The following BPHL variants were observed in gnomAD, a reference collection of about 807,000 sequenced individuals.
BPHL encodes the protein serine hydrolase BPHL.
Under a neutral mutation model 31.2 loss-of-function variants are expected in BPHL, and 27 were observed. That is an observed-to-expected ratio of 0.87 (90% confidence interval 0.64 to 1.19). BPHL has a LOEUF of 1.19. Ranked by LOEUF, BPHL falls within the 50% of genes most tolerant of loss-of-function variation. BPHL has a pLI of 0.00. For missense variants in BPHL, 356 were observed against 375.7 expected (o/e 0.95, Z 0.43); for synonymous variants, 150 against 146.8 (o/e 1.02, Z -0.16).
intron 1 of BPHL, chr6:3,119,189 C>A: frequency 8.5e-7 from 1 of 1,171,342 alleles, no homozygotes; most frequent in Non-Finnish European, 1.2e-6. Flanking sequence ...TGACGGAGCA[C>A]GGACTAGAAT....
chr6:3,118,764 G>A lies in BPHL; in HGVS notation c.24G>A (p.Arg8=). MVAVLGG[R]GVLRLRLLLS... is the part of the protein sequence containing the mutation. ...CCATGGTGGCTGTGCTGGGCGGCCG[G>A]GGCGTGTTGCGCCTGCGGCTGCTTC... The change falls in exon 1 of 7, where the codon CGG becomes CGA. Residue 8 remains arginine (R), a synonymous_variant. Coordinates refer to ENST00000380379, the MANE Select transcript of BPHL (RefSeq NM_004332.4). 10 of 1,256,864 alleles carry A rather than the reference G, an allele frequency of 8.0e-6. No homozygotes were observed. The highest frequency in any genetic ancestry group is 1.0e-5 in the Non-Finnish European group (10 of 996,950). 77.9% of individuals were successfully genotyped at this position (1,256,864 alleles called of 1,614,324 possible).
At chr6:3,144,722 G>A (rs565394244) in intron 6 of BPHL, among the ~76,000 whole-genome samples, 2 of 152,282 alleles carry the variant, frequency 1.3e-5, no homozygotes, top group East Asian at 1.9e-4. Flanking sequence ...AGCTGCTAAC[G>A]TGAATGCAAT....
chr6:3,128,928 TCTGA>T (rs1680097511), intron 3 of BPHL, 113 bp from the exon 4 acceptor site: 4 of 1,477,812 alleles, frequency 2.7e-6, no homozygotes, highest in Admixed American at 1.7e-5. Flanking sequence ...GTTTTTCTTT[TCTGA>T]CTAATTGATA....
At chr6:3,124,471 T>C (rs1173651305) in intron 2 of BPHL, among the ~76,000 whole-genome samples, 1 of 152,226 alleles carries the variant, frequency 6.6e-6, no homozygotes, top group Non-Finnish European at 1.5e-5. Context: ...CCTGGGGGAC[T>C]GGATCCAGGA....
intron 1 of BPHL, among the ~76,000 whole-genome samples, chr6:3,119,121 A>G (rs1023837472): frequency 1.3e-5 from 2 of 152,210 alleles, no homozygotes; most frequent in African/African-American, 4.8e-5. Context: ...CAGCCCCTTC[A>G]GTGTGCAGAC....
Position 3,152,587 on chromosome 6 carries a change from C to CGAGTCTTGGTGGTT in BPHL, c.*12_*13insGAGTCTTGGTGGTT, listed in dbSNP as rs1762554896. 6.2e-7 allele frequency: 1 copy of CGAGTCTTGGTGGTT among 1,609,336 alleles called. No individual in the cohort carries two copies. The highest frequency in any genetic ancestry group is 1.3e-5 in the African/African-American group (1 of 74,776). On this transcript the variant is annotated 3_prime_UTR_variant, in exon 7 of 7. Transcript: ENST00000380379. ...ACTTCCTACAATGAGAATGCACACTCCAGTCTTGGTGGTTCCTTCGTGTGG... is the reference window on the plus strand; with the variant it reads ...ACTTCCTACAATGAGAATGCACACTCGAGTCTTGGTGGTTCAGTCTTGGTGGTTCCTTCGTGTGG...
At position 3,140,523 on chromosome 6, in the gene BPHL, C is replaced by G. The variant is rs1395385674; in HGVS notation, c.788+14C>G. On this transcript the variant is annotated intron_variant, in intron 6 of 6. Coordinates refer to ENST00000380379, the MANE Select transcript of BPHL (RefSeq NM_004332.4). The surrounding 1 kb of genome is among the most constrained non-coding windows in gnomAD (Gnocchi z 5.2). Reference sequence around the variant, plus strand: ...GAAAGGCTCACGGTAAGTCCTGTCACCGCCTTCACACTCCCCCCGAGAGCC... The same window carrying G: ...GAAAGGCTCACGGTAAGTCCTGTCAGCGCCTTCACACTCCCCCCGAGAGCC... The G allele has an allele frequency of 6.2e-7, 1 of 1,613,138 alleles. No homozygotes were observed. Among genetic ancestry groups the G allele is most frequent in the South Asian group, 1.1e-5 (1 of 91,012 alleles).
At position 3,151,402 on chromosome 6, in the gene BPHL, G is replaced by A. The variant is rs148400607; in HGVS notation, c.789-1086G>A. On this transcript the variant is annotated intron_variant, in intron 6 of 6. Coordinates refer to ENST00000380379, the MANE Select transcript of BPHL (RefSeq NM_004332.4). Reference sequence around the variant, plus strand: ...GCATTACTAATGTTCCAAGGCCCTCGGAAAGGTCCCAACAATATGTCTTCC... The same window carrying A: ...GCATTACTAATGTTCCAAGGCCCTCAGAAAGGTCCCAACAATATGTCTTCC... 2.5e-3 allele frequency among the ~76,000 whole-genome samples: 377 copies of A among 152,132 alleles called. 2 individuals are homozygous for A. The highest frequency in any genetic ancestry group is 8.3e-3 in the African/African-American group (344 of 41,500).
At position 3,140,413 on chromosome 6, in the gene BPHL, G is replaced by T. The variant is rs762056309; in HGVS notation, c.692G>T (p.Arg231Leu). Residue 231 changes from arginine (R) to leucine (L), a missense_variant, in exon 6 of 7, where the codon CGG (arginine) becomes CTG (leucine). By Grantham distance (102) the Arg-to-Leu change is moderately radical. Transcript: ENST00000380379. This position sits in a 1 kb window ranked among gnomAD's most constrained non-coding sequence, Gnocchi z 5.2. ...DGNICRHLLPRVQCPALIVHG... is the reference protein window; with the variant it reads ...DGNICRHLLPLVQCPALIVHG... ...AACATCTGCCGGCACCTGCTGCCCCGGGTCCAGTGCCCCGCCTTGATTGTG... is the reference window on the plus strand; with the variant it reads ...AACATCTGCCGGCACCTGCTGCCCCTGGTCCAGTGCCCCGCCTTGATTGTG... 2.5e-6 allele frequency: 4 copies of T among 1,614,006 alleles called. No individual in the cohort carries two copies. Among genetic ancestry groups the T allele is most frequent in the Non-Finnish European group, 3.4e-6 (4 of 1,180,030 alleles).
At chr6:3,124,739 T>A (rs1344489114) in intron 2 of BPHL, among the ~76,000 whole-genome samples, 1 of 150,276 alleles carries the variant, frequency 6.7e-6, no homozygotes, top group Non-Finnish European at 1.5e-5. Flanking sequence ...TGTTCCGAGG[T>A]TGGTTGAATC....
rs149318265 is a variant in BPHL at position 3,150,669 on chromosome 6, G to A, written c.789-1819G>A. Reference sequence around the variant, plus strand: ...GATTAGATCTTTTTGTTACTTGGGTGAGAATCTAGAGCTCCTGTCTTGCCT... The same window carrying A: ...GATTAGATCTTTTTGTTACTTGGGTAAGAATCTAGAGCTCCTGTCTTGCCT... On this transcript the variant is annotated intron_variant, in intron 6 of 6. Transcript: ENST00000380379. 1.6e-3 allele frequency among the ~76,000 whole-genome samples: 247 copies of A among 152,338 alleles called. 2 individuals are homozygous for A. The highest frequency in any genetic ancestry group is 5.5e-3 in the African/African-American group (230 of 41,582).
At chr6:3,134,345 G>C (rs190407077) in intron 4 of BPHL, among the ~76,000 whole-genome samples, 1 of 151,766 alleles carries the variant, frequency 6.6e-6, no homozygotes, top group South Asian at 2.1e-4. Context: ...ACAGTGGGTG[G>C]CTTTTGCCTT....
intron 6 of BPHL, among the ~76,000 whole-genome samples, chr6:3,144,388 TTTG>T (rs1448245967): frequency 9.0e-5 from 13 of 144,990 alleles, no homozygotes; most frequent in African/African-American, 3.2e-4. Flanking sequence ...TTTTTTTTTT[TTTG>T]TTTTTTTTTT....
chr6:3,142,433 AC>A (rs1056689915), intron 6 of BPHL, among the ~76,000 whole-genome samples: 4 of 152,172 alleles, frequency 2.6e-5, no homozygotes, highest in Admixed American at 2.6e-4. Context: ...AGTTTTTTAT[AC>A]AATCTCAGTT....
intron 2 of BPHL, among the ~76,000 whole-genome samples, chr6:3,124,767 G>A (rs185679710): frequency 5.9e-5 from 9 of 151,874 alleles, no homozygotes; most frequent in African/African-American, 1.9e-4. Context: ...GTAGAACCAC[G>A]GATAGGAAGG....
chr6:3,147,546 G>A (rs1018333525), intron 6 of BPHL, among the ~76,000 whole-genome samples: 7 of 152,040 alleles, frequency 4.6e-5, no homozygotes, highest in African/African-American at 1.2e-4. Context: ...GGATGCTCCC[G>A]CCTCAGCCTC....
chr6:3,122,264 A>G (rs1761597975), intron 1 of BPHL, among the ~76,000 whole-genome samples: 1 of 152,212 alleles, frequency 6.6e-6, no homozygotes, highest in African/African-American at 2.4e-5. Context: ...TGGGCGACAG[A>G]GTGAGACTCC....
At chr6:3,119,443 C>A (rs900506900) in intron 1 of BPHL, 1 of 1,611,592 alleles carries the variant, frequency 6.2e-7, no homozygotes, top group Non-Finnish European at 8.5e-7. Flanking sequence ...AGGATCTGAT[C>A]TACATGTGTG....
Position 3,141,358 on chromosome 6 carries a change from G to A in BPHL, c.788+849G>A, listed in dbSNP as rs146575674. Among the ~76,000 whole-genome samples the A allele has an allele frequency of 8.3e-4, 127 of 152,188 alleles. 1 individual carries two copies. The highest frequency in any genetic ancestry group is 1.6e-3 in the Non-Finnish European group (110 of 67,988). Reference sequence around the variant, plus strand: ...GATTATACTGCGGGTGGACAAAGAGGTTTAATGAGGGAGTTGGTTTTTTTT... The same window carrying A: ...GATTATACTGCGGGTGGACAAAGAGATTTAATGAGGGAGTTGGTTTTTTTT... On this transcript the variant is annotated intron_variant, in intron 6 of 6. Transcript: ENST00000380379.
Sources: gnomAD v4.1 joint callset for allele counts (sites outside exome capture counted in the v4.1 genomes callset) on GRCh38, gnomAD v4.1.1 for gene constraint, Gnocchi (gnomAD v3.1) non-coding constraint, MANE v1.5 for transcripts, NCBI Gene and HGNC (gene_info 2026-07-23, HGNC 2026-07-21) for gene names.